CENPK: variants seen among roughly 807,000 people sequenced by gnomAD.
CENPK encodes the protein centromere protein K, also known as SoxLZ/Sox6-binding protein Solt.
A neutral mutation model predicts 40.9 loss-of-function variants in CENPK; 46 were observed. That is an observed-to-expected ratio of 1.13 (90% CI 0.89 to 1.44). The LOEUF (loss-of-function observed/expected upper bound fraction) is 1.44, where lower values mean the gene tolerates loss of function less well. Among genes scored for constraint, CENPK ranks in the 40% most tolerant of loss-of-function variants. The pLI, the probability that CENPK is intolerant of heterozygous loss-of-function variation, is 0.00. For missense variants in CENPK, 288 were observed against 303.5 expected (o/e 0.95, Z 0.38); for synonymous variants, 107 against 104.4 (o/e 1.02, Z -0.15).
the CENPK span, among the ~76,000 whole-genome samples, chr5:65,495,866 G>T: frequency 2.0e-5 from 3 of 152,172 alleles, no homozygotes; most frequent in Non-Finnish European, 2.9e-5. Context: ...AATACTCATT[G>T]TTGGCAAGGG....
intron 5 of CENPK, among the ~76,000 whole-genome samples, chr5:65,545,846 C>CTA (rs1011884475): frequency 5.9e-5 from 9 of 152,122 alleles, no homozygotes; most frequent in African/African-American, 2.2e-4. Flanking sequence ...GTCCAGACTC[C>CTA]TATCTGCAGA....
chr5:65,561,318 T>A (rs1751915205), intron 2 of CENPK, 145 bp downstream of exon 2: 2 of 242,278 alleles, frequency 8.3e-6, no homozygotes, highest in African/African-American at 2.2e-5. Flanking sequence ...AAATACATTA[T>A]CAATATGCAA....
intron 6 of CENPK, chr5:65,529,567 A>G: frequency 5.9e-6 from 1 of 170,354 alleles, no homozygotes; most frequent in East Asian, 1.7e-4. Context: ...AGCTCACTGC[A>G]AGCTCCGCCT....
chr5:65,540,546 T>C (rs1245452941), intron 6 of CENPK, among the ~76,000 whole-genome samples: 1 of 152,196 alleles, frequency 6.6e-6, no homozygotes, highest in African/African-American at 2.4e-5. Flanking sequence ...ATTAGGACTT[T>C]CAGCACCACC....
chr5:65,514,420 A>ACG (rs1742729820), downstream of CENPK, among the ~76,000 whole-genome samples: 2 of 151,166 alleles, frequency 1.3e-5, no homozygotes, highest in Admixed American at 1.3e-4. Context: ...GCGTGCCACC[A>ACG]CGCCTGGCTA....
At chr5:65,553,788 C>A (rs1750522222) in intron 3 of CENPK, among the ~76,000 whole-genome samples, 1 of 152,206 alleles carries the variant, frequency 6.6e-6, no homozygotes, top group Non-Finnish European at 1.5e-5. Context: ...AGGACTATTA[C>A]TAGAGCTTCC....
At chr5:65,540,519 C>T (rs1747780993) in intron 6 of CENPK, among the ~76,000 whole-genome samples, 1 of 152,132 alleles carries the variant, frequency 6.6e-6, no homozygotes, top group Non-Finnish European at 1.5e-5. Flanking sequence ...AAAAAAAGAC[C>T]AAAACCTGAC....
chr5:65,539,304 T>C (rs1420532492), intron 6 of CENPK, among the ~76,000 whole-genome samples: 1 of 152,218 alleles, frequency 6.6e-6, no homozygotes, highest in Non-Finnish European at 1.5e-5. Context: ...CATCTAAATA[T>C]GATTTAAATT....
At chr5:65,505,703 C>G in the CENPK span, among the ~76,000 whole-genome samples, 1 of 152,218 alleles carries the variant, frequency 6.6e-6, no homozygotes, top group Admixed American at 6.5e-5. Flanking sequence ...GCTTTTTTAT[C>G]CTGCACAGCA....
Position 65,518,637 on chromosome 5 carries a change from G to A in CENPK, c.652-4C>T, listed in dbSNP as rs748185927. ...CAAATAATCTATTTATAAGAATCTA[G>A]GAGAAAATATCATTCAAAATATACT... is the stretch of plus-strand genomic sequence containing the variant. On this transcript the variant is annotated splice_region_variant and splice_polypyrimidine_tract_variant and intron_variant, in intron 10 of 10. Coordinates refer to ENST00000396679, the MANE Select transcript of CENPK (RefSeq NM_022145.5). The A allele has an allele frequency of 5.2e-6, 8 of 1,540,916 alleles. No homozygotes were observed. The highest frequency in any genetic ancestry group is 7.1e-6 in the Non-Finnish European group (8 of 1,128,380).
the CENPK span, among the ~76,000 whole-genome samples, chr5:65,499,815 C>T: frequency 1.1e-5 from 1 of 94,080 alleles, no homozygotes; most frequent in African/African-American, 4.1e-5. Flanking sequence ...CTATCCCTCC[C>T]CCCTCCCCCG....
chr5:65,532,673 G>A (rs1275636351), intron 6 of CENPK, among the ~76,000 whole-genome samples: 1 of 151,904 alleles, frequency 6.6e-6, no homozygotes, highest in Non-Finnish European at 1.5e-5. Flanking sequence ...ACTTTCGGAG[G>A]CTGAGGCGGG....
intron 9 of CENPK, among the ~76,000 whole-genome samples, chr5:65,526,142 A>G (rs188631231): frequency 1.3e-5 from 2 of 152,348 alleles, no homozygotes; most frequent in East Asian, 3.9e-4. Flanking sequence ...ATGGTAATCA[A>G]GCTTCCTTTT....
chr5:65,539,910 T>G (rs953175577), intron 6 of CENPK, among the ~76,000 whole-genome samples: 2 of 152,226 alleles, frequency 1.3e-5, no homozygotes, highest in African/African-American at 4.8e-5. Context: ...CTGGGGCAAC[T>G]GATGAACACA....
intron 2 of CENPK, among the ~76,000 whole-genome samples, chr5:65,560,062 T>C (rs900096036): frequency 1.3e-5 from 2 of 151,788 alleles, no homozygotes; most frequent in African/African-American, 4.8e-5. Context: ...CACAAAAAAA[T>C]AGGATGAAAA....
Position 65,528,473 on chromosome 5 carries a change from A to G in CENPK, c.576T>C (p.Asp192=), listed in dbSNP as rs770061194. 5.6e-6 allele frequency: 9 copies of G among 1,600,620 alleles called. No individual in the cohort carries two copies. In the East Asian group the frequency reaches 1.1e-4, roughly 20 times the overall value. The change falls in exon 9 of 11, where the codon GAT becomes GAC. Residue 192 remains aspartate (D), a synonymous_variant. Transcript: ENST00000396679. The part of the protein sequence containing the change: ...EFLEDHFPLP[D]RSVKKKKKNI... ...TTACCTTTTTCTTTTTAACACTTCT[A>G]TCAGGCAGAGGAAAATGGTCTTCTA...
chr5:65,525,581 T>C (rs776872385), intron 9 of CENPK, among the ~76,000 whole-genome samples: 2 of 152,206 alleles, frequency 1.3e-5, no homozygotes, highest in Non-Finnish European at 2.9e-5. Flanking sequence ...CTTCTTTGTA[T>C]ACATCTTTGA....
intron 6 of CENPK, among the ~76,000 whole-genome samples, chr5:65,539,754 C>A (rs367553197): frequency 4.7e-4 from 72 of 152,358 alleles, no homozygotes; most frequent in African/African-American, 1.7e-3. Flanking sequence ...AAGCTCAAGG[C>A]TCTGCCAGGA....
At chr5:65,522,711 T>A (rs1053044150) in intron 9 of CENPK, among the ~76,000 whole-genome samples, 3 of 152,172 alleles carry the variant, frequency 2.0e-5, no homozygotes, top group Admixed American at 6.6e-5. Flanking sequence ...ATTACAGGTG[T>A]GAGCCACCAT....
Sources: allele counts gnomAD v4.1 joint callset (sites outside exome capture counted in the v4.1 genomes callset), GRCh38; gene constraint gnomAD v4.1.1; transcripts MANE v1.5; gene names NCBI Gene and HGNC (gene_info 2026-07-23, HGNC 2026-07-21).